PDZD2: variants seen among roughly 807,000 people sequenced by gnomAD.
PDZD2 encodes PDZ domain containing 2.
Under a neutral mutation model 220.7 loss-of-function variants are expected in PDZD2, and 90 were observed. That is an observed-to-expected ratio of 0.41 (90% confidence interval 0.34 to 0.49). PDZD2 has a LOEUF of 0.49. Among genes scored for constraint, PDZD2 ranks in the 20% least tolerant of loss-of-function variants. PDZD2 has a pLI of 0.28. For missense variants in PDZD2, 3,174 were observed against 3,608.5 expected, an observed-to-expected ratio of 0.88 and a Z score of 3.08; for synonymous variants, 1,375 against 1,450.5, an observed-to-expected ratio of 0.95 and a Z score of 1.18.
chr5:31,837,686 T>C (rs1757029586), intron 2 of PDZD2, among the ~76,000 whole-genome samples: 1 of 151,904 alleles, frequency 6.6e-6, no homozygotes, highest in Admixed American at 6.6e-5. Context: ...ATTGTGTCAC[T>C]GTACTCCAGC....
chr5:31,874,705 G>A (rs1739148820), intron 2 of PDZD2, among the ~76,000 whole-genome samples: 1 of 149,650 alleles, frequency 6.7e-6, no homozygotes, highest in Non-Finnish European at 1.5e-5. Context: ...AGGTTGCAGT[G>A]AGCTGAGATC....
Position 32,110,051 on chromosome 5 carries a change from T to TTGA in PDZD2, c.*1918_*1920dup, listed in dbSNP as rs1364014641. 6.7e-6 allele frequency: 1 copy of TTGA among 150,010 alleles called. No homozygotes were observed. The highest frequency in any genetic ancestry group is 1.9e-4 in the East Asian group (1 of 5,198). 9.3% of individuals were successfully genotyped at this position (150,010 alleles called of 1,614,324 possible). A position where few individuals can be genotyped will look rare whatever the true frequency, so the allele number is the denominator to read the frequency against. ...TGCATGCTTGATTGATAGATATTGA[T>TTGA]TGATTGTTTTTCAGTCTCTGGGGTC... On this transcript the variant is annotated 3_prime_UTR_variant, in exon 25 of 25. Transcript: ENST00000438447.
intron 1 of PDZD2, among the ~76,000 whole-genome samples, chr5:31,643,546 G>T (rs2150101960): frequency 6.6e-6 from 1 of 152,270 alleles, no homozygotes; most frequent in South Asian, 2.1e-4. Flanking sequence ...CAGAGAACTT[G>T]CCCCATTAGA....
chr5:31,795,180 G>C (rs1476727001), intron 1 of PDZD2, among the ~76,000 whole-genome samples: 1 of 152,168 alleles, frequency 6.6e-6, no homozygotes, highest in African/African-American at 2.4e-5. Context: ...TGTTGGGTAG[G>C]ATCGAGCTTT....
chr5:31,728,090 C>A (rs1749288888), intron 1 of PDZD2, among the ~76,000 whole-genome samples: 1 of 150,882 alleles, frequency 6.6e-6, no homozygotes, highest in South Asian at 2.1e-4. Context: ...TCGAAAATTT[C>A]TTCTCTGATT....
At chr5:31,660,239 C>G (rs1445350358) in intron 1 of PDZD2, among the ~76,000 whole-genome samples, 1 of 152,052 alleles carries the variant, frequency 6.6e-6, no homozygotes, top group African/African-American at 2.4e-5. Context: ...AATTTGGAGC[C>G]CAAGTTCTCC....
intron 1 of PDZD2, among the ~76,000 whole-genome samples, chr5:31,719,683 G>T (rs745332750): frequency 6.6e-6 from 1 of 152,144 alleles, no homozygotes; most frequent in Non-Finnish European, 1.5e-5. Flanking sequence ...ACTTTTCAAT[G>T]ATTACTGAAA....
chr5:31,775,122 A>G (rs181471730), intron 1 of PDZD2, among the ~76,000 whole-genome samples: 5 of 152,344 alleles, frequency 3.3e-5, no homozygotes, highest in African/African-American at 9.6e-5. Context: ...TCCTCACGCT[A>G]TAGTACAAAC....
In PDZD2 at chr5:32,048,619, G is replaced by A; in HGVS notation, c.1600G>A (p.Glu534Lys). Reference sequence around the variant, plus strand: ...TGGGGACCCCCGGATCCGGATGTTGGAGGTCTCCCGAGATGGCCGGAAACA... The same window carrying A: ...TGGGGACCCCCGGATCCGGATGTTGAAGGTCTCCCGAGATGGCCGGAAACA... ...RNGDPRIRML[E>K]VSRDGRKHSL... The change falls in exon 8 of 25, where the codon GAG becomes AAG. Residue 534 changes from glutamate (E) to lysine (K), a missense_variant. Transcript: ENST00000438447. 6.2e-7 allele frequency: 1 copy of A among 1,614,158 alleles called. No homozygotes were observed.
rs185854331 is a variant in PDZD2 at position 31,878,238 on chromosome 5, A to C, written c.476+78514A>C. Among the ~76,000 whole-genome samples the C allele has an allele frequency of 3.3e-5, 5 of 152,252 alleles. No individual in the cohort carries two copies. The East Asian group carries it at 7.7e-4, about 24-fold the overall frequency. ...ATAGCAGAGCAAGCCTGGGAGCGCT[A>C]TCCTGGGCCACTTCATCCACTGGAG... On this transcript the variant is annotated intron_variant, in intron 2 of 24. Transcript: ENST00000438447.
rs1291271423 is a variant in PDZD2 at position 31,915,705 on chromosome 5, A to G, written c.477-67450A>G. Among the ~76,000 whole-genome samples the G allele has an allele frequency of 3.9e-5, 6 of 152,170 alleles. No homozygotes were observed. In the East Asian group the frequency reaches 9.6e-4, roughly 24 times the overall value. Reference sequence around the variant, plus strand: ...TTTTTTCAAACACTTAACTCTTCGTAGAGACAAATATTACTCTTTTCAGGT... The same window carrying G: ...TTTTTTCAAACACTTAACTCTTCGTGGAGACAAATATTACTCTTTTCAGGT... On this transcript the variant is annotated intron_variant, in intron 2 of 24. Transcript: ENST00000438447.
At chr5:32,041,604 G>A (rs1300120472) in intron 7 of PDZD2, among the ~76,000 whole-genome samples, 1 of 152,114 alleles carries the variant, frequency 6.6e-6, no homozygotes, top group Non-Finnish European at 1.5e-5. Flanking sequence ...TAAGGGCGGT[G>A]CAAGATGTGC....
In PDZD2 at chr5:31,948,649, C is replaced by T. The variant is rs555574410; in HGVS notation, c.477-34506C>T. On this transcript the variant is annotated intron_variant, in intron 2 of 24. Coordinates refer to ENST00000438447, the MANE Select transcript of PDZD2 (RefSeq NM_178140.4). ...GGTATAAAAAGAGAAAAATAAAATA[C>T]GAGAAATTCTAATAAAAGGAGTATG... Among the ~76,000 whole-genome samples the T allele has an allele frequency of 2.6e-5, 4 of 152,168 alleles. No individual in the cohort carries two copies. In the South Asian group the frequency reaches 6.2e-4, roughly 24 times the overall value.
rs1421936246 is a variant in PDZD2, at chr5:32,110,012, A to AAGTC, written c.*1881_*1884dup. ...ACAGTTACAGGTAGAATACTGTAGG[A>AAGTC]AGTCAGTGCAAGGTGCATGCTTGAT... On this transcript the variant is annotated 3_prime_UTR_variant, in exon 25 of 25. Coordinates refer to ENST00000438447, the MANE Select transcript of PDZD2 (RefSeq NM_178140.4). The AAGTC allele has an allele frequency of 6.9e-6, 1 of 145,800 alleles. No homozygotes were observed. Among genetic ancestry groups the AAGTC allele is most frequent in the East Asian group, 2.0e-4 (1 of 4,944 alleles). 9.0% of individuals were successfully genotyped at this position (145,800 alleles called of 1,614,324 possible).
At chr5:32,011,684 G>A (rs1380967799) in intron 6 of PDZD2, among the ~76,000 whole-genome samples, 2 of 152,124 alleles carry the variant, frequency 1.3e-5, no homozygotes, top group Non-Finnish European at 2.9e-5. Context: ...AACCTAGGCA[G>A]CATAGGTAAG....
chr5:32,059,466 T>C, intron 13 of PDZD2, 110 bp downstream of exon 13: 1 of 526,860 alleles, frequency 1.9e-6, no homozygotes, highest in East Asian at 3.0e-5. Context: ...AAGCTTTGAA[T>C]TCTTTCCAAG....
chr5:32,074,163 A>G lies in PDZD2; in HGVS notation c.3057A>G (p.Glu1019=), dbSNP rs1379519152. ...GCATGGACGTCCACAACCAAGAGGA[A>G]CGACCCCGGAAAACACTGGTGAGCA... ...SKGMDVHNQE[E]RPRKTLVSKA... is the part of the protein sequence containing the mutation. The change falls in exon 18 of 25, where the codon GAA becomes GAG. Residue 1019 remains glutamate, a synonymous_variant. Coordinates refer to ENST00000438447, the MANE Select transcript of PDZD2 (RefSeq NM_178140.4). 1 of 1,614,130 alleles carries G rather than the reference A, an allele frequency of 6.2e-7. No homozygotes were observed. The highest frequency in any genetic ancestry group is 2.2e-5 in the East Asian group (1 of 44,880).
intron 1 of PDZD2, among the ~76,000 whole-genome samples, chr5:31,658,066 G>A (rs1056637367): frequency 2.0e-5 from 3 of 152,140 alleles, no homozygotes; most frequent in Admixed American, 2.0e-4. Flanking sequence ...TAGCTGCTAA[G>A]CATTTCTATG....
intron 9 of PDZD2, 128 bp downstream of exon 9, chr5:32,052,858 C>T (rs976719868): frequency 2.9e-5 from 27 of 934,526 alleles, no homozygotes; most frequent in Non-Finnish European, 3.5e-5. Flanking sequence ...TTGCCCAGGC[C>T]GGAGTGCAGT....
Sources: allele counts gnomAD v4.1 joint callset (sites outside exome capture counted in the v4.1 genomes callset), GRCh38; gene constraint gnomAD v4.1.1; transcripts MANE v1.5; gene names NCBI Gene and HGNC (gene_info 2026-07-23, HGNC 2026-07-21).